MYT1: variants seen among roughly 807,000 people sequenced by gnomAD.
The protein encoded by MYT1 is myelin transcription factor I.
In MYT1, 23 loss-of-function variants were observed where a neutral mutation model predicts 123.0. That is an observed-to-expected ratio of 0.19 (90% CI 0.13 to 0.26). The LOEUF (loss-of-function observed/expected upper bound fraction) is 0.26. Among genes scored for constraint, MYT1 ranks in the 10% least tolerant of loss-of-function variants. The pLI, the probability that MYT1 is intolerant of heterozygous loss-of-function variation, is 1.00. For missense variants in MYT1, 1,125 were observed against 1,472.5 expected (o/e 0.76, Z 3.86); for synonymous variants, 518 against 575.3 (o/e 0.90, Z 1.43).
Position 64,198,866 on chromosome 20 carries a change from G to A in MYT1, c.5G>A (p.Ser2Asn). 1 of 1,614,158 alleles carries A rather than the reference G, an allele frequency of 6.2e-7. No individual in the cohort carries two copies. The highest frequency in any genetic ancestry group is 1.1e-5 in the South Asian group (1 of 91,088). ...GTCGTGGTTTTTTGCTTGCAGATGA[G>A]CTTAGAAAATGAAGACAAGCGAGCT... M[S>N]LENEDKRART... The change falls in exon 3 of 23, where the codon AGC becomes AAC. Residue 2 changes from serine to asparagine, a missense_variant. Around this residue, in one of 4 missense-constraint regions of MYT1, gnomAD observed 406 missense variants for 432.2 expected, o/e 0.94. Transcript: ENST00000328439.
Position 64,218,691 on chromosome 20 carries a change from C to T in MYT1, c.1847-220C>T, listed in dbSNP as rs941759847. 8.0e-6 allele frequency: 5 copies of T among 625,072 alleles called. No individual in the cohort carries two copies. Among genetic ancestry groups the T allele is most frequent in the Non-Finnish European group, 1.4e-5 (5 of 354,534 alleles). The allele number at this position is 625,072 out of a possible 1,614,324, so 38.7% of individuals were successfully genotyped here. On this transcript the variant is annotated intron_variant, in intron 11 of 22. Coordinates refer to ENST00000328439, the MANE Select transcript of MYT1 (RefSeq NM_004535.3). The surrounding 1 kb of genome is among the most constrained non-coding windows in gnomAD (Gnocchi z 4.0). Reference sequence around the variant, plus strand: ...GAGGACTTGGGACTGGGACGGGTGGCCAAGCCCCTGGCCCACTTCGATATA... The same window carrying T: ...GAGGACTTGGGACTGGGACGGGTGGTCAAGCCCCTGGCCCACTTCGATATA...
At position 64,218,768 on chromosome 20, in the gene MYT1, T is replaced by A; in HGVS notation, c.1847-143T>A. 108 of 933,126 alleles carry A rather than the reference T, an allele frequency of 1.2e-4. No homozygotes were observed. The highest frequency in any genetic ancestry group is 2.3e-4 in the Middle Eastern group (1 of 4,266). 57.8% of individuals were successfully genotyped at this position (933,126 alleles called of 1,614,324 possible). ...CCCAAAGTGCCCCCTCCCCACTGAC[T>A]TGTCTGCATTGCTGCCTCTTTTCAA... On this transcript the variant is annotated intron_variant, in intron 11 of 22. Coordinates refer to ENST00000328439, the MANE Select transcript of MYT1 (RefSeq NM_004535.3). This position sits in a 1 kb window ranked among gnomAD's most constrained non-coding sequence, Gnocchi z 4.0.
chr20:64,172,336 G>A (rs575493850), intron 1 of MYT1, among the ~76,000 whole-genome samples: 2 of 152,318 alleles, frequency 1.3e-5, no homozygotes, highest in African/African-American at 4.8e-5. Flanking sequence ...CCTGGGATTG[G>A]AGAAGGAAAA....
chr20:64,179,993 C>G (rs1457052315), intron 1 of MYT1, among the ~76,000 whole-genome samples: 1 of 147,160 alleles, frequency 6.8e-6, no homozygotes, highest in African/African-American at 2.5e-5. Context: ...CACAGTTACA[C>G]ACATACGCCA....
At position 64,228,107 on chromosome 20, in the gene MYT1, C is replaced by T. The variant is rs76557542; in HGVS notation, c.2675+136C>T. On this transcript the variant is annotated intron_variant, in intron 18 of 22. Coordinates refer to ENST00000328439, the MANE Select transcript of MYT1 (RefSeq NM_004535.3). ...CACCTAACTGACCAACGCCAACTTT[C>T]GTTTCTTTCATTTTTATGGAAGCTC... 1.4e-3 allele frequency: 1,132 copies of T among 785,560 alleles called. 13 individuals are homozygous for T. The African/African-American group carries it at 0.018, about 12-fold the overall frequency. 48.7% of individuals were successfully genotyped at this position (785,560 alleles called of 1,614,324 possible).
rs543386347 is a variant in MYT1 at position 64,201,643 on chromosome 20, G to C, written c.86+1721G>C. ...TGACTGCGTGCCCCAGCCATCGTGG[G>C]AGCATTTACACCACAGAAATGGACT... On this transcript the variant is annotated intron_variant, in intron 4 of 22. Transcript: ENST00000328439. 3.9e-4 allele frequency among the ~76,000 whole-genome samples: 60 copies of C among 152,332 alleles called. 1 individual carries two copies. The South Asian group carries it at 0.012, about 30-fold the overall frequency.
intron 19 of MYT1, among the ~76,000 whole-genome samples, chr20:64,234,597 G>A (rs1159185600): frequency 6.7e-6 from 1 of 150,300 alleles, no homozygotes; most frequent in South Asian, 2.1e-4. Context: ...ACCCTGGGCT[G>A]GCCGTGGTGG....
chr20:64,214,696 C>G (rs751443075), intron 10 of MYT1, among the ~76,000 whole-genome samples: 1 of 152,218 alleles, frequency 6.6e-6, no homozygotes, highest in South Asian at 2.1e-4. Context: ...GCTCCTCCTC[C>G]CCAGCTCTCA....
rs1012945557 is a variant in MYT1, at chr20:64,213,978, T to C, written c.1631+331T>C. Among the ~76,000 whole-genome samples the C allele has an allele frequency of 3.3e-5, 5 of 152,322 alleles. No homozygotes were observed. The highest frequency in any genetic ancestry group is 9.6e-5 in the African/African-American group (4 of 41,568). ...GTCTGATGTGACCACTTGAGGCCCC[T>C]TGGGGATTCATTTGTGGAGATGCTG... On this transcript the variant is annotated intron_variant, in intron 10 of 22. Coordinates refer to ENST00000328439, the MANE Select transcript of MYT1 (RefSeq NM_004535.3). This position sits in a 1 kb window ranked among gnomAD's most constrained non-coding sequence, Gnocchi z 5.6.
At chr20:64,165,964 T>C (rs1982067260) in intron 1 of MYT1, among the ~76,000 whole-genome samples, 7 of 152,076 alleles carry the variant, frequency 4.6e-5, no homozygotes, top group Admixed American at 4.6e-4. Flanking sequence ...TCTGCCTCTG[T>C]CTCCTCTGAG....
chr20:64,183,915 G>C (rs1388906583), intron 1 of MYT1, among the ~76,000 whole-genome samples: 4 of 152,134 alleles, frequency 2.6e-5, no homozygotes, highest in African/African-American at 4.8e-5. Context: ...CCACCTCCCA[G>C]GTTCAAGTGA....
intron 6 of MYT1, 147 bp from the exon 7 acceptor site, chr20:64,207,447 A>G: frequency 7.1e-7 from 1 of 1,416,534 alleles, no homozygotes; most frequent in Non-Finnish European, 9.4e-7. Flanking sequence ...CCAAATCCCC[A>G]CTTCTGGAGT....
At chr20:64,201,619 G>A (rs529705538) in intron 4 of MYT1, among the ~76,000 whole-genome samples, 32 of 152,354 alleles carry the variant, frequency 2.1e-4, no homozygotes, top group African/African-American at 7.5e-4. Flanking sequence ...CGTGCTGGCT[G>A]ACTGCGTGCC....
intron 19 of MYT1, among the ~76,000 whole-genome samples, chr20:64,234,932 ATGGTGGGTGACCCTGGGATGGCTG>A (rs1984459925): frequency 1.6e-4 from 11 of 69,492 alleles, no homozygotes; most frequent in South Asian, 5.4e-4. Context: ...TTGGCTGGCC[ATGGTGGGTGACCCTGGGATGGCTG>A]TGGTGGGTGA....
At chr20:64,204,260 G>A (rs916809019) in intron 4 of MYT1, among the ~76,000 whole-genome samples, 1 of 152,194 alleles carries the variant, frequency 6.6e-6, no homozygotes, top group Non-Finnish European at 1.5e-5. Flanking sequence ...TGCTGGTTTG[G>A]TTATATAGGG....
chr20:64,178,383 C>T (rs1026746110), intron 1 of MYT1, among the ~76,000 whole-genome samples: 2 of 152,236 alleles, frequency 1.3e-5, no homozygotes, highest in Admixed American at 6.5e-5. Context: ...TTCAGAACCA[C>T]GTGCTGTGCG....
Position 64,196,600 on chromosome 20 carries a change from T to C in MYT1, c.1-2262T>C, listed in dbSNP as rs900883122. 1.6e-4 allele frequency among the ~76,000 whole-genome samples: 24 copies of C among 152,226 alleles called. 1 individual carries two copies. The highest frequency in any genetic ancestry group is 2.4e-5 in the African/African-American group (1 of 41,456). ...TATTTTTTCTTCGGTAGTTCAGTTTTTTTCCCTTTAAAAATCAAAGCTACA... is the reference window on the plus strand; with the variant it reads ...TATTTTTTCTTCGGTAGTTCAGTTTCTTTCCCTTTAAAAATCAAAGCTACA... On this transcript the variant is annotated intron_variant, in intron 2 of 22. Coordinates refer to ENST00000328439, the MANE Select transcript of MYT1 (RefSeq NM_004535.3). The surrounding 1 kb of genome is among the most constrained non-coding windows in gnomAD (Gnocchi z 4.3).
At position 64,177,829 on chromosome 20, in the gene MYT1, CCTT is replaced by C. The variant is rs905618092; in HGVS notation, c.-98-12229_-98-12227del. ...CGCAGTTTCTAGGGCATGGGTTCCA[CCTT>C]CTTCATGGAAATTTCCAAGCTTGTC... On this transcript the variant is annotated intron_variant, in intron 1 of 22. Transcript: ENST00000328439. Among the ~76,000 whole-genome samples the C allele has an allele frequency of 3.6e-4, 55 of 152,346 alleles. No individual in the cohort carries two copies. In the East Asian group the frequency reaches 9.1e-3, roughly 25 times the overall value.
chr20:64,211,492 TC>T, intron 8 of MYT1, 152 bp downstream of exon 8: 1 of 830,872 alleles, frequency 1.2e-6, no homozygotes, highest in Non-Finnish European at 1.8e-6. Flanking sequence ...CTCCCCGCTT[TC>T]CCCCACAAAC....
Sources: allele counts gnomAD v4.1 joint callset (sites outside exome capture counted in the v4.1 genomes callset), GRCh38; gene constraint gnomAD v4.1.1; regional missense constraint gnomAD v4.1.1; non-coding constraint Gnocchi (gnomAD v3.1); transcripts MANE v1.5; gene names NCBI Gene and HGNC (gene_info 2026-07-23, HGNC 2026-07-21).